The following TCF12 variants were observed in gnomAD, a reference collection of about 807,000 sequenced individuals.
The protein encoded by TCF12 is transcription factor 12, also known as DNA-binding protein HTF4.
Under a neutral mutation model 86.0 loss-of-function variants are expected in TCF12, and 45 were observed. The observed-to-expected ratio is 0.52, with a 90% confidence interval of 0.41 to 0.67. The LOEUF is 0.67. Ranked by LOEUF, TCF12 falls within the 30% of genes least tolerant of loss-of-function variation. The pLI is 0.00. For synonymous variants in TCF12, 330 were observed against 299.6 expected, an observed-to-expected ratio of 1.10 and a Z score of -1.05; for missense variants, 881 against 859.9, an observed-to-expected ratio of 1.02 and a Z score of -0.31.
At chr15:56,954,130 A>G (rs1421859326) in intron 3 of TCF12, among the ~76,000 whole-genome samples, 1 of 152,074 alleles carries the variant, frequency 6.6e-6, no homozygotes, top group Non-Finnish European at 1.5e-5. Context: ...CATTTAGTTT[A>G]AAATATTTTT....
At chr15:56,925,248 A>AC (rs1281433515) in intron 3 of TCF12, among the ~76,000 whole-genome samples, 4 of 72,088 alleles carry the variant, frequency 5.5e-5, no homozygotes, top group South Asian at 6.2e-4. Flanking sequence ...CCGCCCCCCC[A>AC]CCCCCCCGCC....
At position 57,064,812 on chromosome 15, in the gene TCF12, AAG is replaced by A. The variant is rs1555495496; in HGVS notation, c.222+1001_222+1002del. Among the ~76,000 whole-genome samples, 684 of 123,162 alleles carry A rather than the reference AAG, an allele frequency of 5.6e-3. 18 individuals are homozygous for A. Among genetic ancestry groups the A allele is most frequent in the Admixed American group, 0.015 (148 of 9,660 alleles). The allele number at this position is 123,162 out of a possible 152,430, so 80.8% of individuals were successfully genotyped here. On this transcript the variant is annotated intron_variant, in intron 4 of 20. Coordinates refer to ENST00000333725, the MANE Select transcript of TCF12 (RefSeq NM_207037.2). ...CTCCATCTCAAAAAAAAAAAAAAAA[AAG>A]AGAGAGAGAGAAAGACTTTTCCAAA...
intron 3 of TCF12, among the ~76,000 whole-genome samples, chr15:57,044,063 T>C (rs1482215851): frequency 2.0e-5 from 3 of 152,124 alleles, no homozygotes; most frequent in African/African-American, 7.2e-5. Flanking sequence ...TTGGACACTT[T>C]CAAATTGGAA....
chr15:56,919,368 C>T (rs1485840863), intron 1 of TCF12: 2 of 152,364 alleles, frequency 1.3e-5, no homozygotes, highest in Non-Finnish European at 1.5e-5. Flanking sequence ...TTCCGACCTC[C>T]TGGGCCCGCC....
chr15:57,005,538 A>G (rs554291138), intron 3 of TCF12, among the ~76,000 whole-genome samples: 4 of 152,260 alleles, frequency 2.6e-5, no homozygotes, highest in South Asian at 2.1e-4. Context: ...TGAGTATTTT[A>G]ATAATTTTTT....
At chr15:57,097,834 A>C (rs888781979) in intron 5 of TCF12, among the ~76,000 whole-genome samples, 5 of 152,096 alleles carry the variant, frequency 3.3e-5, no homozygotes, top group African/African-American at 1.2e-4. Context: ...CACTAAAGCC[A>C]AGAAAAATGA....
Position 57,226,549 on chromosome 15 carries a change from A to G in TCF12, c.580-4603A>G, listed in dbSNP as rs534198329. 7.2e-5 allele frequency among the ~76,000 whole-genome samples: 11 copies of G among 152,270 alleles called. No individual in the cohort carries two copies. In the East Asian group the frequency reaches 2.1e-3, roughly 29 times the overall value. On this transcript the variant is annotated intron_variant, in intron 8 of 20. Coordinates refer to ENST00000333725, the MANE Select transcript of TCF12 (RefSeq NM_207037.2). ...AACTGCTATTCAAACCATCTTGACA[A>G]AAGATCTAACAGAAGCCCAAACATA...
At chr15:57,067,831 A>C (rs2069033131) in intron 4 of TCF12, among the ~76,000 whole-genome samples, 1 of 152,182 alleles carries the variant, frequency 6.6e-6, no homozygotes, top group African/African-American at 2.4e-5. Flanking sequence ...GAATGTGGTG[A>C]TAAAGGTAAA....
chr15:57,210,747 C>T (rs760982369), intron 8 of TCF12, among the ~76,000 whole-genome samples: 1 of 152,180 alleles, frequency 6.6e-6, no homozygotes, highest in African/African-American at 2.4e-5. Context: ...CAAGATCGCG[C>T]ACCTATAAAG....
chr15:56,954,790 T>C (rs1418194134), intron 3 of TCF12, among the ~76,000 whole-genome samples: 1 of 152,204 alleles, frequency 6.6e-6, no homozygotes, highest in African/African-American at 2.4e-5. Context: ...AAATAAGATA[T>C]CTGTGCAGCT....
intron 3 of TCF12, among the ~76,000 whole-genome samples, chr15:56,927,403 T>G (rs1397390129): frequency 6.6e-6 from 1 of 152,220 alleles, no homozygotes; most frequent in Non-Finnish European, 1.5e-5. Context: ...TTTTTGTCTT[T>G]TTTTCTTATA....
chr15:57,255,361 T>C (rs1470368399), intron 16 of TCF12, among the ~76,000 whole-genome samples: 1 of 152,204 alleles, frequency 6.6e-6, no homozygotes, highest in East Asian at 1.9e-4. Flanking sequence ...AACTCTTTCA[T>C]TGGATGGCAC....
At chr15:57,205,501 C>G (rs115744325) in intron 8 of TCF12, among the ~76,000 whole-genome samples, 1,750 of 152,268 alleles carry the variant, frequency 0.011, 32 homozygotes, top group African/African-American at 0.039. Flanking sequence ...GAACACACAA[C>G]AACTGTATAT....
chr15:57,096,681 T>A (rs529035264), intron 5 of TCF12, among the ~76,000 whole-genome samples: 17 of 152,260 alleles, frequency 1.1e-4, no homozygotes, highest in South Asian at 2.1e-4. Flanking sequence ...AGGAAAAAAA[T>A]GTCTGTATAC....
intron 3 of TCF12, among the ~76,000 whole-genome samples, chr15:57,017,114 G>T (rs7178833): frequency 0.23 from 34,712 of 152,068 alleles, 4,866 homozygotes; most frequent in East Asian, 0.4. Context: ...AGGGTGGCAG[G>T]CTACCTTGTT....
At chr15:56,933,317 A>G (rs2060327613) in intron 3 of TCF12, among the ~76,000 whole-genome samples, 1 of 152,212 alleles carries the variant, frequency 6.6e-6, no homozygotes, top group African/African-American at 2.4e-5. Context: ...TGAAAGGGTT[A>G]AGATTAGTTC....
chr15:56,966,334 A>G (rs1204917997), intron 3 of TCF12, among the ~76,000 whole-genome samples: 2 of 152,346 alleles, frequency 1.3e-5, no homozygotes, highest in Non-Finnish European at 2.9e-5. Flanking sequence ...CAGAAAACCT[A>G]GGTTTTGCCA....
intron 3 of TCF12, among the ~76,000 whole-genome samples, chr15:57,028,188 G>A (rs1169371291): frequency 6.6e-6 from 1 of 152,088 alleles, no homozygotes; most frequent in Non-Finnish European, 1.5e-5. Flanking sequence ...GGCTGGTCTT[G>A]AACTCCTGAC....
chr15:56,924,516 G>A (rs2059921615), intron 3 of TCF12, among the ~76,000 whole-genome samples: 1 of 152,200 alleles, frequency 6.6e-6, no homozygotes, highest in Non-Finnish European at 1.5e-5. Context: ...GGTGATTTTA[G>A]AGAGGAAACC....
Sources: gnomAD v4.1 joint callset for allele counts (sites outside exome capture counted in the v4.1 genomes callset) on GRCh38, gnomAD v4.1.1 for gene constraint, MANE v1.5 for transcripts, NCBI Gene and HGNC (gene_info 2026-07-23, HGNC 2026-07-21) for gene names.